Variants in SH3GLB1 observed in about 807,000 individuals in gnomAD.
SH3GLB1 encodes the protein SH3 domain containing GRB2 like, endophilin B1, also known as endophilin-B1.
In SH3GLB1, 17 loss-of-function variants were observed where a neutral mutation model predicts 42.0. That is an observed-to-expected ratio of 0.40 (90% CI 0.28 to 0.61). The LOEUF is 0.61. SH3GLB1 is among the 20% of genes least tolerant of loss of function. SH3GLB1 has a pLI of 0.36. For missense variants in SH3GLB1, 355 were observed against 426.3 expected, an observed-to-expected ratio of 0.83 and a Z score of 1.47; for synonymous variants, 132 against 146.6, an observed-to-expected ratio of 0.90 and a Z score of 0.72.
chr1:86,736,306 G>A (rs1655776418), intron 7 of SH3GLB1, among the ~76,000 whole-genome samples: 1 of 152,148 alleles, frequency 6.6e-6, no homozygotes, highest in Non-Finnish European at 1.5e-5. Flanking sequence ...AAGGAATAAG[G>A]TAAATAAAGT....
chr1:86,713,608 T>C (rs1468036368), intron 1 of SH3GLB1, among the ~76,000 whole-genome samples: 1 of 152,142 alleles, frequency 6.6e-6, no homozygotes, highest in Non-Finnish European at 1.5e-5. Context: ...GGTCGTTTGT[T>C]ACCTACTCAG....
chr1:86,736,724 A>G (rs906474919), intron 7 of SH3GLB1, among the ~76,000 whole-genome samples: 5 of 152,248 alleles, frequency 3.3e-5, no homozygotes, highest in African/African-American at 1.2e-4. Flanking sequence ...CCAGCAATAC[A>G]AAGTAAAACC....
intron 5 of SH3GLB1, among the ~76,000 whole-genome samples, chr1:86,727,200 C>A (rs1237747674): frequency 1.3e-5 from 2 of 151,772 alleles, no homozygotes. Flanking sequence ...ATGATTTAGC[C>A]CTATCAGTAA....
At chr1:86,724,892 A>AAAAAAAATATATAT (rs1291454820) in intron 5 of SH3GLB1, among the ~76,000 whole-genome samples, 6 of 99,680 alleles carry the variant, frequency 6.0e-5, no homozygotes, top group Admixed American at 1.0e-4. Flanking sequence ...AAAAAAAAAA[A>AAAAAAAATATATAT]ATATATATAT....
intron 5 of SH3GLB1, among the ~76,000 whole-genome samples, chr1:86,724,892 A>AAAAATAT (rs1291454820): frequency 6.0e-5 from 6 of 99,700 alleles, no homozygotes; most frequent in Non-Finnish European, 1.1e-4. Flanking sequence ...AAAAAAAAAA[A>AAAAATAT]ATATATATAT....
Position 86,747,423 on chromosome 1 carries a change from A to G in SH3GLB1, c.*4188A>G, listed in dbSNP as rs1656355852. ...GCTTGAGAACCACTGCAATAGAACT[A>G]AGAGAACATTCATTTCACCTTCAGG... On this transcript the variant is annotated 3_prime_UTR_variant, in exon 9 of 9. Transcript: ENST00000370558. The G allele has an allele frequency of 6.6e-6, 1 of 152,306 alleles. No homozygotes were observed. The highest frequency in any genetic ancestry group is 6.5e-5 in the Admixed American group (1 of 15,282). The allele number at this position is 152,306 out of a possible 1,614,324, so 9.4% of individuals were successfully genotyped here. A position where few individuals can be genotyped will look rare whatever the true frequency, so the allele number is the denominator to read the frequency against.
Position 86,744,663 on chromosome 1 carries a change from G to T in SH3GLB1, c.*1428G>T, listed in dbSNP as rs543174533. ...AGTATAGTTCATTTATTGAGGGAAT[G>T]TTAAGCTATTAAAATGATACTTTTT... On this transcript the variant is annotated 3_prime_UTR_variant, in exon 9 of 9. Coordinates refer to ENST00000370558, the MANE Select transcript of SH3GLB1 (RefSeq NM_016009.5). 6 of 152,300 alleles carry T rather than the reference G, an allele frequency of 3.9e-5. No homozygotes were observed. The highest frequency in any genetic ancestry group is 2.1e-4 in the South Asian group (1 of 4,824). 9.4% of individuals were successfully genotyped at this position (152,300 alleles called of 1,614,324 possible).
chr1:86,731,685 A>G (rs1398251055), intron 5 of SH3GLB1, among the ~76,000 whole-genome samples: 1 of 152,226 alleles, frequency 6.6e-6, no homozygotes, highest in East Asian at 1.9e-4. Context: ...CTCATGAAAC[A>G]TATTATATAC....
intron 1 of SH3GLB1, among the ~76,000 whole-genome samples, chr1:86,713,409 T>A (rs1654327179): frequency 6.6e-6 from 1 of 152,146 alleles, no homozygotes; most frequent in African/African-American, 2.4e-5. Flanking sequence ...ATTATTGATC[T>A]GTTGATTTTT....
Position 86,715,712 on chromosome 1 carries a change from A to G in SH3GLB1, c.73-12A>G, listed in dbSNP as rs765857929. The G allele has an allele frequency of 6.4e-7, 1 of 1,569,832 alleles. No homozygotes were observed. Among genetic ancestry groups the G allele is most frequent in the Non-Finnish European group, 8.6e-7 (1 of 1,168,768 alleles). On this transcript the variant is annotated splice_polypyrimidine_tract_variant and intron_variant, in intron 1 of 8. Transcript: ENST00000370558. ...GCAGTATATTTAATTTTTGTTTTAC[A>G]ATCAATAACAGTTCACAGAAGAAAA...
At chr1:86,707,253 C>G (rs1252861811) in intron 1 of SH3GLB1, among the ~76,000 whole-genome samples, 1 of 152,116 alleles carries the variant, frequency 6.6e-6, no homozygotes, top group African/African-American at 2.4e-5. Context: ...GGATGAAATT[C>G]AAGAGACCTC....
chr1:86,742,676 A>T (rs1656114944), intron 8 of SH3GLB1, among the ~76,000 whole-genome samples: 1 of 152,182 alleles, frequency 6.6e-6, no homozygotes, highest in Admixed American at 6.5e-5. Flanking sequence ...TCCTTTATCT[A>T]GGCCAGACAT....
Position 86,742,424 on chromosome 1 carries a change from T to A in SH3GLB1, c.978T>A (p.Leu326=). Residue 326 remains leucine (L), a synonymous_variant, in exon 8 of 9, where the codon CTT becomes CTA. Transcript: ENST00000370558. ...YDAANSTELS[L]LADEVITVFS... is the part of the protein sequence containing the mutation. ...CAGCAAACAGTACTGAATTATCACT[T>A]CTGGCAGATGAGGTGAGTATTGTGG... 6.2e-7 allele frequency: 1 copy of A among 1,613,694 alleles called. No individual in the cohort carries two copies. The highest frequency in any genetic ancestry group is 8.5e-7 in the Non-Finnish European group (1 of 1,179,650).
At chr1:86,714,373 A>G (rs1274848057) in intron 1 of SH3GLB1, among the ~76,000 whole-genome samples, 1 of 152,200 alleles carries the variant, frequency 6.6e-6, no homozygotes, top group Non-Finnish European at 1.5e-5. Flanking sequence ...GCTACACTGC[A>G]AGTTTATGGG....
At chr1:86,721,454 C>T (rs1654852120) in intron 3 of SH3GLB1, among the ~76,000 whole-genome samples, 1 of 152,060 alleles carries the variant, frequency 6.6e-6, no homozygotes, top group Non-Finnish European at 1.5e-5. Flanking sequence ...TCTGTATTAC[C>T]TTCCTTATCA....
At chr1:86,717,943 A>G (rs1654637765) in intron 2 of SH3GLB1, among the ~76,000 whole-genome samples, 1 of 152,188 alleles carries the variant, frequency 6.6e-6, no homozygotes. Flanking sequence ...CAAATATTTT[A>G]TTAACTGAAC....
intron 2 of SH3GLB1, among the ~76,000 whole-genome samples, chr1:86,718,483 A>T (rs767084006): frequency 3.3e-5 from 5 of 152,250 alleles, no homozygotes; most frequent in Non-Finnish European, 7.3e-5. Flanking sequence ...CCACAAAAGC[A>T]AGTATCATTG....
At chr1:86,724,433 T>C (rs756235992) in intron 5 of SH3GLB1, 28 bp downstream of exon 5, 27 of 1,456,470 alleles carry the variant, frequency 1.9e-5, no homozygotes, top group Non-Finnish European at 2.5e-5. Context: ...TATTTTTGAT[T>C]AATAACTTTA....
chr1:86,720,682 G>A (rs1570421266), intron 3 of SH3GLB1, among the ~76,000 whole-genome samples: 1 of 152,154 alleles, frequency 6.6e-6, no homozygotes, highest in East Asian at 1.9e-4. Context: ...ATGGTAGGTA[G>A]ATTAAATTAA....
Sources: allele counts gnomAD v4.1 joint callset (sites outside exome capture counted in the v4.1 genomes callset), GRCh38; gene constraint gnomAD v4.1.1; transcripts MANE v1.5; gene names NCBI Gene and HGNC (gene_info 2026-07-23, HGNC 2026-07-21).